ECSIT: variants seen among roughly 807,000 people sequenced by gnomAD.
ECSIT encodes ECSIT signaling integrator, also known as evolutionarily conserved signaling intermediate in Toll pathway, mitochondrial.
Under a neutral mutation model 36.8 loss-of-function variants are expected in ECSIT, and 29 were observed. The observed-to-expected ratio is 0.79, with a 90% confidence interval of 0.59 to 1.08. The LOEUF is 1.08. Among genes scored for constraint, ECSIT ranks in the 50% least tolerant of loss-of-function variants. ECSIT has a pLI of 0.00. For synonymous variants in ECSIT, 231 were observed against 234.8 expected (o/e 0.98, Z 0.15); for missense variants, 542 against 581.0 (o/e 0.93, Z 0.69).
intron 3 of ECSIT, 96 bp downstream of exon 3, chr19:11,513,708 G>A (rs932107298): frequency 1.4e-5 from 19 of 1,392,350 alleles, no homozygotes; most frequent in East Asian, 7.0e-5. Context: ...AGACAGAGAC[G>A]GAGCCATGGA....
intron 7 of ECSIT, among the ~76,000 whole-genome samples, chr19:11,507,160 C>T (rs902945540): frequency 1.3e-5 from 2 of 152,090 alleles, no homozygotes; most frequent in South Asian, 4.1e-4. Flanking sequence ...TGTGTGCGGC[C>T]GGAGGACGAG....
intron 4 of ECSIT, among the ~76,000 whole-genome samples, chr19:11,512,060 G>C (rs1971882629): frequency 6.6e-6 from 1 of 151,472 alleles, no homozygotes. Context: ...AAAGGTCTGA[G>C]GGGGCCAGGC....
chr19:11,517,748 G>A (rs182820026), intron 2 of ECSIT, among the ~76,000 whole-genome samples: 6 of 152,210 alleles, frequency 3.9e-5, no homozygotes, highest in Admixed American at 2.6e-4. Flanking sequence ...TGCATAGTGC[G>A]GGGCCGGGCA....
intron 1 of ECSIT, among the ~76,000 whole-genome samples, chr19:11,524,034 C>T (rs965321774): frequency 3.3e-5 from 5 of 152,050 alleles, no homozygotes; most frequent in Non-Finnish European, 5.9e-5. Context: ...ATCCTCCCAC[C>T]ACTGCCTCCT....
intron 3 of ECSIT, 75 bp from the exon 4 acceptor site, chr19:11,513,354 G>C: frequency 8.3e-7 from 1 of 1,198,926 alleles, no homozygotes; most frequent in Non-Finnish European, 1.2e-6. Context: ...AAAGAAAACA[G>C]TGAAGTGAGG....
chr19:11,507,585 G>A (rs753408500), intron 6 of ECSIT, 23 bp from the exon 7 acceptor site: 1 of 1,613,454 alleles, frequency 6.2e-7, no homozygotes, highest in East Asian at 2.2e-5. Context: ...GGGGAGTGCA[G>A]GCGGGGTCAG....
intron 2 of ECSIT, among the ~76,000 whole-genome samples, chr19:11,518,439 AT>A (rs1299054618): frequency 6.6e-6 from 1 of 151,814 alleles, no homozygotes; most frequent in Non-Finnish European, 1.5e-5. Flanking sequence ...AAAAAAAAAA[AT>A]TAGCTGGGCA....
rs527709115 is a variant in ECSIT at position 11,522,309 on chromosome 19, C to T, written c.-23-3116G>A. On this transcript the variant is annotated intron_variant, in intron 1 of 7. Coordinates refer to ENST00000270517, the MANE Select transcript of ECSIT (RefSeq NM_016581.5). ...TCACCCAGTGCTACCGAGACATGGG[C>T]GCCCGGTACCCCACCTGGACCCATT... is the stretch of plus-strand genomic sequence containing the variant. 2.4e-4 allele frequency: 160 copies of T among 665,314 alleles called. 2 individuals carry two copies. The Admixed American group carries it at 3.3e-3, about 14-fold the overall frequency. 41.2% of individuals were successfully genotyped at this position (665,314 alleles called of 1,614,324 possible).
At chr19:11,518,742 T>A (rs7507794) in intron 2 of ECSIT, among the ~76,000 whole-genome samples, 1 of 151,676 alleles carries the variant, frequency 6.6e-6, no homozygotes, top group Non-Finnish European at 1.5e-5. Flanking sequence ...ACAAAAAAAA[T>A]ACAAAAACTA....
At chr19:11,513,707 C>A in intron 3 of ECSIT, 97 bp downstream of exon 3, 1 of 1,393,322 alleles carries the variant, frequency 7.2e-7, no homozygotes, top group South Asian at 1.2e-5. Flanking sequence ...GAGACAGAGA[C>A]GGAGCCATGG....
At chr19:11,514,301 G>C in intron 2 of ECSIT, 80 bp from the exon 3 acceptor site, 2 of 1,389,484 alleles carry the variant, frequency 1.4e-6, no homozygotes, top group Non-Finnish European at 1.9e-6. Context: ...TTTCCTCAGA[G>C]AGGTCCCAGT....
intron 4 of ECSIT, among the ~76,000 whole-genome samples, chr19:11,511,928 G>A (rs529295276): frequency 6.6e-6 from 1 of 152,118 alleles, no homozygotes; most frequent in South Asian, 2.1e-4. Flanking sequence ...AGCTACTTGG[G>A]AGGCTGAGGC....
At chr19:11,511,851 GGT>G (rs1254797842) in intron 4 of ECSIT, among the ~76,000 whole-genome samples, 2 of 151,980 alleles carry the variant, frequency 1.3e-5, no homozygotes, top group African/African-American at 4.8e-5. Context: ...TGGCCAACAT[GGT>G]AAAACCCCGT....
chr19:11,525,085 C>T (rs1033478641), intron 1 of ECSIT, among the ~76,000 whole-genome samples: 6 of 151,876 alleles, frequency 4.0e-5, no homozygotes, highest in African/African-American at 7.3e-5. Flanking sequence ...TGCAGTGAGC[C>T]GAGATTGCAC....
rs779751445 is a variant in ECSIT at position 11,513,058 on chromosome 19, G to A, written c.736C>T (p.Gln246Ter). ...ACGCTGTAGACAAGGGCGGATACCT[G>A]GTAGATGGTGACCCTGGCACTAAGG... ...PDLSARVTIY[Q>*]VPLPKDSTGA... Residue 246 changes from glutamine (Q) to a stop codon, truncating the protein, a stop_gained and splice_region_variant, in exon 4 of 8, where the codon CAG becomes TAG. Transcript: ENST00000270517. LOFTEE classifies it high-confidence loss of function. 13 of 1,613,838 alleles carry A rather than the reference G, an allele frequency of 8.1e-6. No homozygotes were observed. Among genetic ancestry groups the A allele is most frequent in the Admixed American group, 5.0e-5 (3 of 60,028 alleles).
intron 2 of ECSIT, among the ~76,000 whole-genome samples, chr19:11,514,961 C>T (rs1866518987): frequency 6.6e-6 from 1 of 151,914 alleles, no homozygotes; most frequent in African/African-American, 2.4e-5. Flanking sequence ...GCCTCAGCCT[C>T]CCAAGTAAGC....
intron 1 of ECSIT, among the ~76,000 whole-genome samples, chr19:11,528,027 C>G (rs992753370): frequency 6.6e-6 from 1 of 152,078 alleles, no homozygotes; most frequent in Non-Finnish European, 1.5e-5. Context: ...TAAATAAAAT[C>G]AGATAGGGTC....
rs1972054184 is a variant in ECSIT, at chr19:11,519,166, C to T, written c.5G>A (p.Ser2Asn). The change falls in exon 2 of 8, where the codon AGC (serine) becomes AAC (asparagine). Residue 2 changes from serine to asparagine, a missense_variant. Ser to Asn is a conservative substitution (Grantham distance 46). Transcript: ENST00000270517. This position sits in a 1 kb window ranked among gnomAD's most constrained non-coding sequence, Gnocchi z 4.4. Reference sequence around the variant, plus strand: ...GGCCAGTAGGGTGGCCTGGACCCAGCTCATGCCTCTGCTTGTCAGACAATC... The same window carrying T: ...GGCCAGTAGGGTGGCCTGGACCCAGTTCATGCCTCTGCTTGTCAGACAATC... M[S>N]WVQATLLARG... 5.2e-6 allele frequency: 8 copies of T among 1,549,510 alleles called. No individual in the cohort carries two copies. In the South Asian group the frequency reaches 7.1e-5, roughly 14 times the overall value.
At chr19:11,518,173 T>A (rs1287729721) in intron 2 of ECSIT, among the ~76,000 whole-genome samples, 1 of 151,784 alleles carries the variant, frequency 6.6e-6, no homozygotes. Flanking sequence ...ATGCCTGTAA[T>A]CCCAGCACTC....
Sources: allele counts gnomAD v4.1 joint callset (sites outside exome capture counted in the v4.1 genomes callset), GRCh38; gene constraint gnomAD v4.1.1; non-coding constraint Gnocchi (gnomAD v3.1); transcripts MANE v1.5; gene names NCBI Gene and HGNC (gene_info 2026-07-23, HGNC 2026-07-21).